Variants in VAPB observed in about 807,000 individuals in gnomAD.
The protein encoded by VAPB is VAMP associated protein B and C, also known as vesicle-associated membrane protein-associated protein B/C.
In VAPB, 7 loss-of-function variants were observed where a neutral mutation model predicts 25.6. That is an observed-to-expected ratio of 0.27 (90% CI 0.16 to 0.51). The LOEUF (loss-of-function observed/expected upper bound fraction) is 0.51. VAPB is among the 20% of genes least tolerant of loss of function. The probability of loss-of-function intolerance (pLI) is 0.97; values close to 1 mark genes in which losing one functional copy is unlikely to be tolerated. For synonymous variants in VAPB, 112 were observed against 109.2 expected, an observed-to-expected ratio of 1.03 and a Z score of -0.16; for missense variants, 266 against 301.3, an observed-to-expected ratio of 0.88 and a Z score of 0.87.
At chr20:58,397,169 C>T (rs923916242) in intron 1 of VAPB, among the ~76,000 whole-genome samples, 7 of 152,198 alleles carry the variant, frequency 4.6e-5, no homozygotes, top group African/African-American at 1.4e-4. Context: ...TGTTTGATTT[C>T]TCTTGTGAAT....
chr20:58,420,348 G>A (rs1318352103), intron 2 of VAPB, among the ~76,000 whole-genome samples: 1 of 152,192 alleles, frequency 6.6e-6, no homozygotes, highest in Non-Finnish European at 1.5e-5. Flanking sequence ...AAAAGTAAAA[G>A]CGAACTCTGC....
chr20:58,412,939 T>C (rs1300531194), intron 1 of VAPB, among the ~76,000 whole-genome samples: 1 of 152,162 alleles, frequency 6.6e-6, no homozygotes, highest in East Asian at 1.9e-4. Context: ...CTGACAAGTT[T>C]ATTCAGCCAT....
chr20:58,395,402 G>T (rs1364573296), intron 1 of VAPB, among the ~76,000 whole-genome samples: 1 of 152,082 alleles, frequency 6.6e-6, no homozygotes, highest in Non-Finnish European at 1.5e-5. Flanking sequence ...GCCCACCTCG[G>T]CCTCCCAAAG....
chr20:58,412,485 G>A (rs923131530), intron 1 of VAPB, among the ~76,000 whole-genome samples: 1 of 147,216 alleles, frequency 6.8e-6, no homozygotes, highest in Non-Finnish European at 1.5e-5. Flanking sequence ...GTTGGGGCAT[G>A]AGAATCGCTT....
chr20:58,402,205 C>T (rs184109629), intron 1 of VAPB, among the ~76,000 whole-genome samples: 4 of 152,300 alleles, frequency 2.6e-5, no homozygotes, highest in Admixed American at 2.0e-4. Context: ...TTGCCCTGCC[C>T]ATCTTTCCAG....
intron 1 of VAPB, among the ~76,000 whole-genome samples, chr20:58,413,653 C>G (rs12803893): frequency 6.6e-6 from 1 of 151,862 alleles, no homozygotes; most frequent in South Asian, 2.1e-4. Context: ...TCTCAATGAG[C>G]TGTTGGGCAC....
intron 2 of VAPB, among the ~76,000 whole-genome samples, chr20:58,428,201 C>T (rs907828191): frequency 3.9e-5 from 6 of 152,202 alleles, no homozygotes; most frequent in African/African-American, 1.4e-4. Flanking sequence ...TTTTATGACC[C>T]CAAAGGCCCT....
At chr20:58,434,103 G>C (rs1600812274) in intron 2 of VAPB, among the ~76,000 whole-genome samples, 2 of 152,144 alleles carry the variant, frequency 1.3e-5, no homozygotes, top group Non-Finnish European at 2.9e-5. Context: ...AAATTTTCTA[G>C]CTTTATGTTG....
At position 58,438,835 on chromosome 20, in the gene VAPB, A is replaced by T. The variant is rs1223456032; in HGVS notation, c.316-110A>T. ...GACTTCAGTTCTTTATTTGATATAC[A>T]TCAGGGCTTTCTCATTAAGAGTATT... On this transcript the variant is annotated intron_variant, in intron 3 of 5. Transcript: ENST00000475243. 5 of 897,138 alleles carry T rather than the reference A, an allele frequency of 5.6e-6. No individual in the cohort carries two copies. The Admixed American group carries it at 9.6e-5, about 17-fold the overall frequency. 55.6% of individuals were successfully genotyped at this position (897,138 alleles called of 1,614,324 possible). A position where few individuals can be genotyped will look rare whatever the true frequency, so the allele number is the denominator to read the frequency against.
At position 58,418,263 on chromosome 20, in the gene VAPB, C is replaced by A. The variant is rs781691837; in HGVS notation, c.111C>A (p.Asp37Glu). The A allele has an allele frequency of 5.0e-6, 8 of 1,614,146 alleles. No homozygotes were observed. The highest frequency in any genetic ancestry group is 3.3e-5 in the South Asian group (3 of 91,078). The change falls in exon 2 of 6, where the codon GAC (aspartate) becomes GAA (glutamate). Residue 37 changes from aspartate (D) to glutamate (E), a missense_variant. Coordinates refer to ENST00000475243, the MANE Select transcript of VAPB (RefSeq NM_004738.5). ...TTNLKLGNPT[D>E]RNVCFKVKTT... ...ACCTAAAGCTTGGCAACCCGACAGACCGAAATGTGTGTTTTAAGGTGAAGA... is the reference window on the plus strand; with the variant it reads ...ACCTAAAGCTTGGCAACCCGACAGAACGAAATGTGTGTTTTAAGGTGAAGA...
At chr20:58,404,537 G>A (rs1036732019) in intron 1 of VAPB, among the ~76,000 whole-genome samples, 1 of 152,202 alleles carries the variant, frequency 6.6e-6, no homozygotes, top group African/African-American at 2.4e-5. Context: ...GTTAGAGGTA[G>A]TATACTGCCC....
At chr20:58,434,801 A>G (rs1600812965) in intron 3 of VAPB, 96 bp downstream of exon 3, 1 of 706,092 alleles carries the variant, frequency 1.4e-6, no homozygotes, top group South Asian at 1.5e-5. Context: ...AAATATGTCA[A>G]AATTATTTAA....
Position 58,444,397 on chromosome 20 carries a change from A to T in VAPB, c.*162A>T, listed in dbSNP as rs1487315115. 1.1e-6 allele frequency: 1 copy of T among 939,070 alleles called. No homozygotes were observed. The highest frequency in any genetic ancestry group is 1.6e-5 in the African/African-American group (1 of 61,736). 58.2% of individuals were successfully genotyped at this position (939,070 alleles called of 1,614,324 possible). ...TGCACACACATACACAGATACACAC[A>T]CACAAATATAATGTAACGATCTTTT... On this transcript the variant is annotated 3_prime_UTR_variant, in exon 6 of 6. Coordinates refer to ENST00000475243, the MANE Select transcript of VAPB (RefSeq NM_004738.5).
intron 1 of VAPB, among the ~76,000 whole-genome samples, chr20:58,396,825 A>G (rs1184508432): frequency 2.6e-5 from 4 of 152,248 alleles, no homozygotes; most frequent in African/African-American, 9.6e-5. Flanking sequence ...GCTTTGCCAT[A>G]TTTATGTTAC....
intron 1 of VAPB, among the ~76,000 whole-genome samples, chr20:58,395,954 G>C (rs1384882445): frequency 6.6e-6 from 1 of 152,118 alleles, no homozygotes; most frequent in Non-Finnish European, 1.5e-5. Context: ...ACTATCTCTA[G>C]AATATTTTTC....
chr20:58,420,648 A>T (rs1230217915), intron 2 of VAPB, among the ~76,000 whole-genome samples: 1 of 152,222 alleles, frequency 6.6e-6, no homozygotes, highest in Non-Finnish European at 1.5e-5. Context: ...GTAGTTGAAT[A>T]ATAAAATGTC....
At chr20:58,416,970 A>G (rs1988554364) in intron 1 of VAPB, among the ~76,000 whole-genome samples, 2 of 152,184 alleles carry the variant, frequency 1.3e-5, no homozygotes, top group Non-Finnish European at 2.9e-5. Flanking sequence ...CTCATTGAAA[A>G]GTTTTTCAAA....
Position 58,446,173 on chromosome 20 carries a change from C to G in VAPB, c.*1938C>G. The G allele has an allele frequency of 2.2e-6, 1 of 454,082 alleles. No individual in the cohort carries two copies. Among genetic ancestry groups the G allele is most frequent in the South Asian group, 1.6e-5 (1 of 64,482 alleles). 28.1% of individuals were successfully genotyped at this position (454,082 alleles called of 1,614,324 possible). On this transcript the variant is annotated 3_prime_UTR_variant, in exon 6 of 6. Coordinates refer to ENST00000475243, the MANE Select transcript of VAPB (RefSeq NM_004738.5). ...GTGTTGAGTGTGCAGACAGGGAGGC[C>G]ACCCCAATAGGAATTCGTCTCCAGG...
Position 58,450,687 on chromosome 20 carries a change from T to C in VAPB, c.*6452T>C, listed in dbSNP as rs1292544258. 2.2e-6 allele frequency: 1 copy of C among 454,062 alleles called. No homozygotes were observed. Among genetic ancestry groups the C allele is most frequent in the Non-Finnish European group, 4.4e-6 (1 of 226,764 alleles). 28.1% of individuals were successfully genotyped at this position (454,062 alleles called of 1,614,324 possible). On this transcript the variant is annotated 3_prime_UTR_variant, in exon 6 of 6. Transcript: ENST00000475243. ...CTATGTTGAAAAAAGATTCCCACAG[T>C]TTCTGATGTGTGTGTTTATAGTCTT...
Sources: gnomAD v4.1 joint callset for allele counts (sites outside exome capture counted in the v4.1 genomes callset) on GRCh38, gnomAD v4.1.1 for gene constraint, MANE v1.5 for transcripts, NCBI Gene and HGNC (gene_info 2026-07-23, HGNC 2026-07-21) for gene names.